The following C16orf96 variants were observed in gnomAD, a reference collection of about 807,000 sequenced individuals.
C16orf96 encodes uncharacterized protein C16orf96.
Under a neutral mutation model 103.6 loss-of-function variants are expected in C16orf96, and 108 were observed. That is an observed-to-expected ratio of 1.04 (90% CI 0.89 to 1.22). The LOEUF (loss-of-function observed/expected upper bound fraction) is 1.22. Among genes scored for constraint, C16orf96 ranks in the 50% most tolerant of loss-of-function variants. The pLI is 0.00. For synonymous variants in C16orf96, 566 were observed against 593.5 expected (o/e 0.95, Z 0.67); for missense variants, 1,586 against 1,464.2 (o/e 1.08, Z -1.36).
chr16:4,584,723 A>G (rs1228944509), intron 7 of C16orf96, among the ~76,000 whole-genome samples: 17 of 152,032 alleles, frequency 1.1e-4, no homozygotes, highest in Admixed American at 1.0e-3. Flanking sequence ...GAGTAGAGAC[A>G]GGGTTTCACC....
upstream of C16orf96, among the ~76,000 whole-genome samples, chr16:4,554,121 A>G (rs1039298353): frequency 2.0e-5 from 3 of 152,254 alleles, no homozygotes; most frequent in Admixed American, 6.5e-5. Flanking sequence ...CTGACCAAGC[A>G]GAGCCTGACC....
At chr16:4,551,164 C>T in the C16orf96 span, among the ~76,000 whole-genome samples, 30 of 152,222 alleles carry the variant, frequency 2.0e-4, no homozygotes, top group Admixed American at 8.5e-4. Context: ...TTTAGCTACT[C>T]GGAGGGTGAG....
At chr16:4,592,656 C>G (rs1187865527) in intron 11 of C16orf96, among the ~76,000 whole-genome samples, 1 of 152,216 alleles carries the variant, frequency 6.6e-6, no homozygotes, top group Non-Finnish European at 1.5e-5. Context: ...GGTTCCCCAG[C>G]CTTCAAGATA....
intron 5 of C16orf96, among the ~76,000 whole-genome samples, chr16:4,577,684 G>A (rs1315844479): frequency 2.6e-5 from 4 of 152,064 alleles, no homozygotes; most frequent in South Asian, 2.1e-4. Flanking sequence ...GGCCGTGTGC[G>A]GTGGCTCACG....
the C16orf96 span, among the ~76,000 whole-genome samples, chr16:4,539,300 A>G: frequency 6.6e-6 from 1 of 152,210 alleles, no homozygotes; most frequent in African/African-American, 2.4e-5. Flanking sequence ...AAACAAAGAT[A>G]GTTAACAGCC....
rs2059502964 is a variant in C16orf96 at position 4,576,046 on chromosome 16, A to G, written c.1566A>G (p.Arg522=). 6.4e-7 allele frequency: 1 copy of G among 1,551,398 alleles called. No individual in the cohort carries two copies. Among genetic ancestry groups the G allele is most frequent in the Non-Finnish European group, 8.7e-7 (1 of 1,146,904 alleles). Residue 522 remains arginine (R), a synonymous_variant, in exon 5 of 16, where the codon AGA becomes AGG. Coordinates refer to ENST00000444310, the MANE Select transcript of C16orf96 (RefSeq NM_001145011.2). ...RGGKDVDPKD[R]AHKDDVPKDR... ...GCAAGGATGTGGACCCCAAGGATAGAGCTCACAAGGATGATGTCCCCAAAG... is the reference window on the plus strand; with the variant it reads ...GCAAGGATGTGGACCCCAAGGATAGGGCTCACAAGGATGATGTCCCCAAAG...
intron 1 of C16orf96, chr16:4,561,516 C>G (rs1262237921): frequency 6.6e-6 from 1 of 152,146 alleles, no homozygotes; most frequent in African/African-American, 2.4e-5. Flanking sequence ...CAGCTTGCCC[C>G]CTGGCCTGCC....
chr16:4,576,005 C>T lies in C16orf96; in HGVS notation c.1525C>T (p.Pro509Ser), dbSNP rs2059502117. 4 of 1,550,880 alleles carry T rather than the reference C, an allele frequency of 2.6e-6. No individual in the cohort carries two copies. In the Admixed American group the frequency reaches 7.9e-5, roughly 30 times the overall value. ...PKDRAHKDDV[P>S]KDRGGKDVDP... ...GGATAGAGCTCACAAGGATGATGTC[C>T]CCAAAGATAGAGGTGGCAAGGATGT... The change falls in exon 5 of 16, where the codon CCC becomes TCC. Residue 509 changes from proline (P) to serine (S), a missense_variant. By Grantham distance (74) the Pro-to-Ser change is moderately conservative. Coordinates refer to ENST00000444310, the MANE Select transcript of C16orf96 (RefSeq NM_001145011.2).
rs948437167 is a variant in C16orf96 at position 4,593,341 on chromosome 16, G to A, written c.2867+25G>A. ...GGTGAGCAGGATGGGCGCCCCGCAG[G>A]GAGGCCGCCCCGCATGGAGGCCACT... On this transcript the variant is annotated intron_variant, in intron 12 of 15. Coordinates refer to ENST00000444310, the MANE Select transcript of C16orf96 (RefSeq NM_001145011.2). The surrounding 1 kb of genome is among the most constrained non-coding windows in gnomAD (Gnocchi z 4.2). 2 of 1,545,612 alleles carry A rather than the reference G, an allele frequency of 1.3e-6. No individual in the cohort carries two copies. The highest frequency in any genetic ancestry group is 1.7e-6 in the Non-Finnish European group (2 of 1,144,014).
rs776704513 is a variant in C16orf96, at chr16:4,595,978, C to T, written c.3127+1175C>T. ...CAAGGATTACAGGCATGAGCCTCTG[C>T]GCCTGGCCCACCGGCAGAAATTCTT... On this transcript the variant is annotated intron_variant, in intron 14 of 15. Coordinates refer to ENST00000444310, the MANE Select transcript of C16orf96 (RefSeq NM_001145011.2). 5.7e-4 allele frequency among the ~76,000 whole-genome samples: 87 copies of T among 152,132 alleles called. 1 individual carries two copies. The highest frequency in any genetic ancestry group is 8.3e-4 in the South Asian group (4 of 4,820).
At chr16:4,581,382 C>A (rs1456192399) in intron 7 of C16orf96, among the ~76,000 whole-genome samples, 2 of 151,078 alleles carry the variant, frequency 1.3e-5, no homozygotes, top group African/African-American at 4.9e-5. Context: ...GCCTGTAATC[C>A]CAGCACTTTG....
At chr16:4,595,311 A>G (rs1455786486) in intron 14 of C16orf96, among the ~76,000 whole-genome samples, 3 of 152,108 alleles carry the variant, frequency 2.0e-5, no homozygotes, top group African/African-American at 7.2e-5. Flanking sequence ...AAGGGTGGAG[A>G]CTGGGGTGGG....
At chr16:4,588,573 G>C (rs138077132) in intron 9 of C16orf96, among the ~76,000 whole-genome samples, 1 of 152,220 alleles carries the variant, frequency 6.6e-6, no homozygotes, top group African/African-American at 2.4e-5. Flanking sequence ...TCACATGGCT[G>C]TTGGTAACAC....
intron 2 of C16orf96, among the ~76,000 whole-genome samples, chr16:4,572,990 G>A (rs1339276643): frequency 2.6e-5 from 4 of 152,050 alleles, no homozygotes; most frequent in South Asian, 2.1e-4. Flanking sequence ...GTATCATCCC[G>A]GCTTCACAGA....
chr16:4,582,576 C>T lies in C16orf96; in HGVS notation c.2352+2451C>T, dbSNP rs151308496. On this transcript the variant is annotated intron_variant, in intron 7 of 15. Coordinates refer to ENST00000444310, the MANE Select transcript of C16orf96 (RefSeq NM_001145011.2). ...GGAGGGTTGGCTGTCTCTGGAGATG[C>T]TGGGCCGAGTGTGGGTGGACTGCAT... 2.9e-3 allele frequency among the ~76,000 whole-genome samples: 443 copies of T among 152,172 alleles called. 1 individual carries two copies. The highest frequency in any genetic ancestry group is 9.3e-3 in the African/African-American group (388 of 41,518).
At chr16:4,579,635 G>A (rs1267904798) in intron 6 of C16orf96, among the ~76,000 whole-genome samples, 7 of 148,418 alleles carry the variant, frequency 4.7e-5, no homozygotes, top group Non-Finnish European at 8.9e-5. Flanking sequence ...TTTTTGAGAC[G>A]GAATCTTGCT....
the C16orf96 span, among the ~76,000 whole-genome samples, chr16:4,546,306 C>T: frequency 6.6e-6 from 1 of 151,604 alleles, no homozygotes; most frequent in Non-Finnish European, 1.5e-5. Flanking sequence ...CTACAGGCGC[C>T]CGCTACCGCG....
At chr16:4,589,476 G>C (rs920892308) in intron 9 of C16orf96, among the ~76,000 whole-genome samples, 1 of 151,776 alleles carries the variant, frequency 6.6e-6, no homozygotes, top group South Asian at 2.1e-4. Flanking sequence ...CTACTCAGGA[G>C]GCTGAGGTGA....
At position 4,575,864 on chromosome 16, in the gene C16orf96, G is replaced by T. The variant is rs1174667856; in HGVS notation, c.1384G>T (p.Asp462Tyr). The T allele has an allele frequency of 3.9e-6, 6 of 1,551,438 alleles. No homozygotes were observed. The highest frequency in any genetic ancestry group is 5.2e-6 in the Non-Finnish European group (6 of 1,147,006). ...AAVQVKGEEN[D>Y]VPSLRGLRER... Reference sequence around the variant, plus strand: ...TGTCCAAGTAAAGGGGGAGGAAAATGATGTCCCCAGCCTAAGGGGCCTTCG... The same window carrying T: ...TGTCCAAGTAAAGGGGGAGGAAAATTATGTCCCCAGCCTAAGGGGCCTTCG... Residue 462 changes from aspartate to tyrosine, a missense_variant, in exon 5 of 16, where the codon GAT (aspartate) becomes TAT (tyrosine). Physicochemically the swap from Asp to Tyr is radical, Grantham distance 160. Coordinates refer to ENST00000444310, the MANE Select transcript of C16orf96 (RefSeq NM_001145011.2).
Sources: gnomAD v4.1 joint callset for allele counts (sites outside exome capture counted in the v4.1 genomes callset) on GRCh38, gnomAD v4.1.1 for gene constraint, Gnocchi (gnomAD v3.1) non-coding constraint, MANE v1.5 for transcripts, NCBI Gene and HGNC (gene_info 2026-07-23, HGNC 2026-07-21) for gene names.